Variants in HERPUD2 observed in about 807,000 individuals in gnomAD.
The protein encoded by HERPUD2 is homocysteine-responsive endoplasmic reticulum-resident ubiquitin-like domain member 2 protein.
A neutral mutation model predicts 49.9 loss-of-function variants in HERPUD2; 13 were observed. That is an observed-to-expected ratio of 0.26 (90% CI 0.17 to 0.41). HERPUD2 has a LOEUF of 0.41. HERPUD2 is among the 10% of genes least tolerant of loss of function. The pLI, the probability that HERPUD2 is intolerant of heterozygous loss-of-function variation, is 1.00. For synonymous variants in HERPUD2, 172 were observed against 171.4 expected (o/e 1.00, Z -0.03); for missense variants, 449 against 492.2 (o/e 0.91, Z 0.83).
intron 2 of HERPUD2, among the ~76,000 whole-genome samples, chr7:35,681,082 T>C (rs1160074781): frequency 6.6e-6 from 1 of 152,242 alleles, no homozygotes. Flanking sequence ...TTAAAACACT[T>C]GCTGGTGCTA....
At chr7:35,688,783 T>C (rs1220731900) in intron 2 of HERPUD2, among the ~76,000 whole-genome samples, 1 of 152,210 alleles carries the variant, frequency 6.6e-6, no homozygotes, top group Non-Finnish European at 1.5e-5. Flanking sequence ...TTTCTTCATC[T>C]TATTATACAT....
At chr7:35,644,947 A>C (rs1785027762) in intron 5 of HERPUD2, among the ~76,000 whole-genome samples, 1 of 152,216 alleles carries the variant, frequency 6.6e-6, no homozygotes, top group Admixed American at 6.5e-5. Flanking sequence ...TATTGTGATT[A>C]AGATTTTTTA....
intron 6 of HERPUD2, among the ~76,000 whole-genome samples, chr7:35,637,592 A>C (rs1316791481): frequency 6.6e-6 from 1 of 152,238 alleles, no homozygotes; most frequent in East Asian, 1.9e-4. Flanking sequence ...ACAGGAGATG[A>C]AGAACCAGGA....
Position 35,635,083 on chromosome 7 carries a change from T to G in HERPUD2, c.941+52A>C, listed in dbSNP as rs1784847860. 7 of 1,344,476 alleles carry G rather than the reference T, an allele frequency of 5.2e-6. No homozygotes were observed. The South Asian group carries it at 8.6e-5, about 17-fold the overall frequency. The allele number at this position is 1,344,476 out of a possible 1,614,324, so 83.3% of individuals were successfully genotyped here. On this transcript the variant is annotated intron_variant, in intron 7 of 8. Coordinates refer to ENST00000311350, the MANE Select transcript of HERPUD2 (RefSeq NM_022373.5). ...ACAGACTACCCTACACCAGATTCTG[T>G]GCTGAACAGTTGCAGAAATTAAACC... is the stretch of plus-strand genomic sequence containing the variant.
chr7:35,651,041 A>C (rs1239735125), intron 5 of HERPUD2, among the ~76,000 whole-genome samples: 2 of 152,080 alleles, frequency 1.3e-5, no homozygotes, highest in African/African-American at 4.8e-5. Flanking sequence ...CACTACTACC[A>C]CAGCAGACAC....
chr7:35,682,427 A>C (rs1046916577), intron 2 of HERPUD2, among the ~76,000 whole-genome samples: 7 of 148,450 alleles, frequency 4.7e-5, no homozygotes, highest in African/African-American at 1.8e-4. Context: ...ATATAATAAA[A>C]GCCATCCATG....
intron 6 of HERPUD2, among the ~76,000 whole-genome samples, chr7:35,637,737 A>G (rs1374656718): frequency 6.6e-6 from 1 of 152,254 alleles, no homozygotes; most frequent in Admixed American, 6.5e-5. Context: ...TGATGAACTG[A>G]GAAAGAAATG....
intron 5 of HERPUD2, among the ~76,000 whole-genome samples, chr7:35,652,024 G>T (rs1347116651): frequency 1.3e-5 from 2 of 152,114 alleles, no homozygotes; most frequent in Non-Finnish European, 2.9e-5. Flanking sequence ...TCCTTATCTG[G>T]GGAATTTAGA....
chr7:35,648,769 C>A (rs1206159919), intron 5 of HERPUD2, among the ~76,000 whole-genome samples: 2 of 152,142 alleles, frequency 1.3e-5, no homozygotes, highest in African/African-American at 4.8e-5. Context: ...GCCCTGAACT[C>A]AATCTACAAT....
chr7:35,634,676 G>A (rs1258254380), intron 7 of HERPUD2, among the ~76,000 whole-genome samples: 1 of 152,042 alleles, frequency 6.6e-6, no homozygotes, highest in Non-Finnish European at 1.5e-5. Context: ...AACATATCAG[G>A]AATCATAAAT....
At chr7:35,687,745 G>A (rs1373563304) in intron 2 of HERPUD2, among the ~76,000 whole-genome samples, 2 of 152,084 alleles carry the variant, frequency 1.3e-5, no homozygotes, top group Non-Finnish European at 2.9e-5. Flanking sequence ...CCAAATATCA[G>A]AAACAGATCA....
chr7:35,636,452 G>T (rs1195315584), intron 6 of HERPUD2, among the ~76,000 whole-genome samples: 1 of 152,050 alleles, frequency 6.6e-6, no homozygotes, highest in Non-Finnish European at 1.5e-5. Context: ...ACTTTAAAGG[G>T]GAGAAACTAA....
intron 6 of HERPUD2, 32 bp from the exon 7 acceptor site, chr7:35,635,490 G>GA (rs746682433): frequency 5.6e-4 from 851 of 1,528,098 alleles, no homozygotes; most frequent in Non-Finnish European, 6.2e-4. Flanking sequence ...ATATTAAAAA[G>GA]AAAAAAAAAC....
rs915054204 is a variant in HERPUD2, at chr7:35,677,380, G to A, written c.148-4102C>T. On this transcript the variant is annotated intron_variant, in intron 2 of 8. Coordinates refer to ENST00000311350, the MANE Select transcript of HERPUD2 (RefSeq NM_022373.5). The stretch of plus-strand genomic sequence containing the variant: ...ATAGTTTGTTAATGGATATTTGAGC[G>A]TTTCTAGGCTTTCATTATTACGTAT... Among the ~76,000 whole-genome samples, 7 of 152,132 alleles carry A rather than the reference G, an allele frequency of 4.6e-5. No homozygotes were observed. The East Asian group carries it at 5.8e-4, about 13-fold the overall frequency.
At chr7:35,673,821 ACTATT>A (rs1463979443) in intron 2 of HERPUD2, among the ~76,000 whole-genome samples, 1 of 152,168 alleles carries the variant, frequency 6.6e-6, no homozygotes, top group Non-Finnish European at 1.5e-5. Flanking sequence ...AAATTTACTT[ACTATT>A]CTAATTATTA....
At chr7:35,690,402 A>G (rs1583575128) in intron 2 of HERPUD2, among the ~76,000 whole-genome samples, 1 of 152,230 alleles carries the variant, frequency 6.6e-6, no homozygotes, top group East Asian at 1.9e-4. Flanking sequence ...CCTAACCAGA[A>G]AACACCTTTC....
chr7:35,661,694 G>C (rs896559942), intron 5 of HERPUD2, among the ~76,000 whole-genome samples: 41 of 152,116 alleles, frequency 2.7e-4, no homozygotes, highest in Non-Finnish European at 4.4e-4. Flanking sequence ...TTGGTGTATA[G>C]GAATGCTTGT....
At position 35,659,458 on chromosome 7, in the gene HERPUD2, T is replaced by C. The variant is rs112347030; in HGVS notation, c.494+7976A>G. ...TTGCTGAATGTACAACATTCACTTA[T>C]AAGGATGAAAGAATTTATAAGTAAT... On this transcript the variant is annotated intron_variant, in intron 5 of 8. Coordinates refer to ENST00000311350, the MANE Select transcript of HERPUD2 (RefSeq NM_022373.5). Among the ~76,000 whole-genome samples, 504 of 152,368 alleles carry C rather than the reference T, an allele frequency of 3.3e-3. 3 individuals are homozygous for C. Among genetic ancestry groups the C allele is most frequent in the Non-Finnish European group, 5.3e-3 (362 of 68,034 alleles).
Position 35,694,549 on chromosome 7 carries a change from C to T in HERPUD2, c.-219G>A, listed in dbSNP as rs1786273481. 1.8e-6 allele frequency: 1 copy of T among 567,130 alleles called. No individual in the cohort carries two copies. The highest frequency in any genetic ancestry group is 2.9e-5 in the East Asian group (1 of 34,184). 35.1% of individuals were successfully genotyped at this position (567,130 alleles called of 1,614,324 possible). A position where few individuals can be genotyped will look rare whatever the true frequency, so the allele number is the denominator to read the frequency against. ...GCGACGGTGGGGTCTGGGTGCCCGGCCGTGGAGGCAGCTCTCCCCGCCAGG... is the reference window on the plus strand; with the variant it reads ...GCGACGGTGGGGTCTGGGTGCCCGGTCGTGGAGGCAGCTCTCCCCGCCAGG... On this transcript the variant is annotated 5_prime_UTR_variant, in exon 2 of 9. Transcript: ENST00000311350.
Sources: allele counts gnomAD v4.1 joint callset (sites outside exome capture counted in the v4.1 genomes callset), GRCh38; gene constraint gnomAD v4.1.1; transcripts MANE v1.5; gene names NCBI Gene and HGNC (gene_info 2026-07-23, HGNC 2026-07-21).